Variants in SAV1 observed in about 807,000 individuals in gnomAD.
SAV1 encodes salvador family WW domain containing protein 1.
SAV1 carries 23 observed loss-of-function variants against 47.3 expected under a neutral mutation model. That is an observed-to-expected ratio of 0.49 (90% CI 0.35 to 0.69). The LOEUF (loss-of-function observed/expected upper bound fraction) is 0.69, where lower values mean the gene tolerates loss of function less well. Ranked by LOEUF, SAV1 falls within the 30% of genes least tolerant of loss-of-function variation. SAV1 has a pLI of 0.01. For missense variants in SAV1, 448 were observed against 457.4 expected (o/e 0.98, Z 0.19); for synonymous variants, 155 against 159.2 (o/e 0.97, Z 0.20).
intron 2 of SAV1, among the ~76,000 whole-genome samples, chr14:50,646,434 C>T (rs938560018): frequency 1.3e-5 from 2 of 152,144 alleles, no homozygotes; most frequent in Admixed American, 6.5e-5. Flanking sequence ...GCCTGTAATC[C>T]GAGCACTTTG....
At chr14:50,639,134 G>A (rs114992521) in intron 4 of SAV1, among the ~76,000 whole-genome samples, 3,010 of 152,272 alleles carry the variant, frequency 0.02, 109 homozygotes, top group African/African-American at 0.069. Context: ...AGACTTTTGT[G>A]AGCAGACACA....
At chr14:50,658,073 C>G (rs2039828191) in intron 2 of SAV1, among the ~76,000 whole-genome samples, 1 of 152,142 alleles carries the variant, frequency 6.6e-6, no homozygotes, top group South Asian at 2.1e-4. Flanking sequence ...ATAAAAAGAT[C>G]TAAGTATTAA....
intron 4 of SAV1, among the ~76,000 whole-genome samples, chr14:50,639,057 G>A (rs188763933): frequency 3.3e-5 from 5 of 152,182 alleles, no homozygotes; most frequent in Non-Finnish European, 4.4e-5. Context: ...ATGAGCCGCC[G>A]CACCCGGCCT....
At chr14:50,637,855 A>T (rs1180493649) in intron 4 of SAV1, 1 of 152,240 alleles carries the variant, frequency 6.6e-6, no homozygotes, top group Non-Finnish European at 1.5e-5. Context: ...GGAGGTCACC[A>T]TACTGATGCC....
intron 4 of SAV1, among the ~76,000 whole-genome samples, chr14:50,636,779 G>GT (rs2039638481): frequency 6.6e-6 from 1 of 152,168 alleles, no homozygotes; most frequent in Non-Finnish European, 1.5e-5. Context: ...CAAAATAGTG[G>GT]TTTTCAATGT....
At chr14:50,662,043 T>C (rs2039864420) in intron 2 of SAV1, among the ~76,000 whole-genome samples, 1 of 152,236 alleles carries the variant, frequency 6.6e-6, no homozygotes, top group Non-Finnish European at 1.5e-5. Context: ...ATCTGTAGAT[T>C]ACTTTGAGCA....
In SAV1 at chr14:50,665,442, T is replaced by C; in HGVS notation, c.272A>G (p.Asn91Ser). The change falls in exon 2 of 5, where the codon AAC becomes AGC. Residue 91 changes from asparagine to serine, a missense_variant. Coordinates refer to ENST00000324679, the MANE Select transcript of SAV1 (RefSeq NM_021818.4). The stretch of plus-strand genomic sequence containing the variant: ...AAGATAAGAAGGTGCAGATAATCTG[T>C]TGCTTTCTCTTCTCATTATTTCATG... ...TPHEIMRRES[N>S]RLSAPSYLAR... 1 of 1,613,662 alleles carries C rather than the reference T, an allele frequency of 6.2e-7. No homozygotes were observed. Among genetic ancestry groups the C allele is most frequent in the Non-Finnish European group, 8.5e-7 (1 of 1,179,740 alleles).
chr14:50,640,680 G>C, intron 4 of SAV1, 70 bp downstream of exon 4: 1 of 1,399,898 alleles, frequency 7.1e-7, no homozygotes, highest in Non-Finnish European at 9.7e-7. Context: ...TACTTGGATC[G>C]AGCAGCCCAG....
At chr14:50,650,289 A>T (rs2039756721) in intron 2 of SAV1, among the ~76,000 whole-genome samples, 1 of 152,254 alleles carries the variant, frequency 6.6e-6, no homozygotes. Flanking sequence ...AAACTGGATG[A>T]TTACACTATT....
In SAV1 at chr14:50,652,224, G is replaced by A. The variant is rs73291794; in HGVS notation, c.536-7210C>T. ...TGGTTAAGATGGTAAATGTTGTTAT[G>A]TGTATTTTATCACAATTAAACATTT... is the stretch of plus-strand genomic sequence containing the variant. On this transcript the variant is annotated intron_variant, in intron 2 of 4. Transcript: ENST00000324679. 7.0e-3 allele frequency among the ~76,000 whole-genome samples: 1,073 copies of A among 152,316 alleles called. 7 individuals carry two copies. The highest frequency in any genetic ancestry group is 0.024 in the African/African-American group (1,007 of 41,544).
chr14:50,658,410 C>T (rs2039830743), intron 2 of SAV1, among the ~76,000 whole-genome samples: 1 of 152,172 alleles, frequency 6.6e-6, no homozygotes, highest in African/African-American at 2.4e-5. Flanking sequence ...TTGGAACATA[C>T]AGTAAGTGCG....
In SAV1 at chr14:50,634,223, C is replaced by A. The variant is rs757229252; in HGVS notation, c.*960G>T. 1 of 453,538 alleles carries A rather than the reference C, an allele frequency of 2.2e-6. No homozygotes were observed. Among genetic ancestry groups the A allele is most frequent in the Non-Finnish European group, 4.4e-6 (1 of 225,422 alleles). The allele number at this position is 453,538 out of a possible 1,614,324, so 28.1% of individuals were successfully genotyped here. The stretch of plus-strand genomic sequence containing the variant: ...AGCAACTTTGAGTTTCACGCACCTT[C>A]CCAATACAGGCTAAGTATTCCTGCT... On this transcript the variant is annotated 3_prime_UTR_variant, in exon 5 of 5. Coordinates refer to ENST00000324679, the MANE Select transcript of SAV1 (RefSeq NM_021818.4).
At chr14:50,636,843 C>T (rs1178920306) in intron 4 of SAV1, among the ~76,000 whole-genome samples, 2 of 152,160 alleles carry the variant, frequency 1.3e-5, no homozygotes, top group Admixed American at 1.3e-4. Flanking sequence ...GCATGTTATA[C>T]CCGAAATTAT....
chr14:50,655,286 A>G (rs1237567401), intron 2 of SAV1, among the ~76,000 whole-genome samples: 1 of 152,158 alleles, frequency 6.6e-6, no homozygotes, highest in Non-Finnish European at 1.5e-5. Context: ...CAATGTAACA[A>G]TTTTTTCTAA....
intron 3 of SAV1, among the ~76,000 whole-genome samples, chr14:50,641,477 G>A (rs780412466): frequency 5.3e-5 from 8 of 152,038 alleles, no homozygotes; most frequent in Non-Finnish European, 1.0e-4. Flanking sequence ...TGTAAGGAAA[G>A]CACTGAACCA....
chr14:50,652,907 A>G (rs1296842543), intron 2 of SAV1, among the ~76,000 whole-genome samples: 4 of 152,140 alleles, frequency 2.6e-5, no homozygotes, highest in Non-Finnish European at 5.9e-5. Flanking sequence ...GGCACGTGGC[A>G]GTGATCCCAG....
chr14:50,636,270 G>A (rs1311560788), intron 4 of SAV1, among the ~76,000 whole-genome samples: 4 of 152,108 alleles, frequency 2.6e-5, no homozygotes, highest in Non-Finnish European at 4.4e-5. Context: ...GCACAAAAAT[G>A]GATGGTCATT....
In SAV1 at chr14:50,633,594, T is replaced by C. The variant is rs1424217154; in HGVS notation, c.*1589A>G. 6.6e-6 allele frequency: 1 copy of C among 152,488 alleles called. No individual in the cohort carries two copies. The highest frequency in any genetic ancestry group is 6.6e-5 in the Admixed American group (1 of 15,260). 9.4% of individuals were successfully genotyped at this position (152,488 alleles called of 1,614,324 possible). ...TGGCCTTTTGAACAGAAAAATGAAATACAGCACTATGTCTAAAACATGGAC... is the reference window on the plus strand; with the variant it reads ...TGGCCTTTTGAACAGAAAAATGAAACACAGCACTATGTCTAAAACATGGAC... On this transcript the variant is annotated 3_prime_UTR_variant, in exon 5 of 5. Coordinates refer to ENST00000324679, the MANE Select transcript of SAV1 (RefSeq NM_021818.4).
chr14:50,667,482 G>A (rs1345672221), intron 1 of SAV1: 1 of 459,068 alleles, frequency 2.2e-6, no homozygotes, highest in East Asian at 6.9e-5. Context: ...TTGCAAACAT[G>A]ACGCACATCT....
Sources: allele counts gnomAD v4.1 joint callset (sites outside exome capture counted in the v4.1 genomes callset), GRCh38; gene constraint gnomAD v4.1.1; transcripts MANE v1.5; gene names NCBI Gene and HGNC (gene_info 2026-07-23, HGNC 2026-07-21).